Variants in ERG observed in about 807,000 individuals in gnomAD.
ERG encodes transcriptional regulator ERG.
ERG carries 9 observed loss-of-function variants against 55.3 expected under a neutral mutation model. The observed-to-expected ratio is 0.16, with a 90% CI of 0.10 to 0.28. The LOEUF is 0.28. Ranked by LOEUF, ERG falls within the 10% of genes least tolerant of loss-of-function variation. ERG has a pLI of 1.00. For synonymous variants in ERG, 223 were observed against 237.3 expected (o/e 0.94, Z 0.55); for missense variants, 434 against 631.6 (o/e 0.69, Z 3.35).
chr21:38,560,907 G>A lies in ERG; in HGVS notation c.-41+14755C>T, dbSNP rs188299424. Among the ~76,000 whole-genome samples, 248 of 152,322 alleles carry A rather than the reference G, an allele frequency of 1.6e-3. 2 individuals carry two copies. Among genetic ancestry groups the A allele is most frequent in the African/African-American group, 5.6e-3 (233 of 41,556 alleles). ...ATGCTACTTTCAGATTTTCAGGTAA[G>A]TCTAAATGCTTTTAATTGATGCAAG... On this transcript the variant is annotated intron_variant, in intron 2 of 8. Coordinates refer to the ERG transcript ENST00000398897.
At chr21:38,517,948 C>T (rs1334906135) in intron 2 of ERG, among the ~76,000 whole-genome samples, 1 of 152,016 alleles carries the variant, frequency 6.6e-6, no homozygotes, top group Admixed American at 6.6e-5. Context: ...TTACCAGAGG[C>T]TGAGCAGAGA....
intron 1 of ERG, chr21:38,450,788 TTTC>T: frequency 2.4e-6 from 1 of 409,876 alleles, no homozygotes; most frequent in South Asian, 1.8e-5. Flanking sequence ...TCAGGCAGCA[TTTC>T]TTCTTCTCTG....
At chr21:38,387,432 G>A (rs888309161) in intron 9 of ERG, among the ~76,000 whole-genome samples, 1 of 152,206 alleles carries the variant, frequency 6.6e-6, no homozygotes, top group Non-Finnish European at 1.5e-5. Context: ...GTGGTAGGGA[G>A]CACCAACTTT....
chr21:38,657,292 T>C (rs1255770318), intron 1 of ERG, among the ~76,000 whole-genome samples: 2 of 152,332 alleles, frequency 1.3e-5, no homozygotes, highest in Middle Eastern at 6.8e-3. Context: ...CTTACTTTCA[T>C]TGTAAAATTA....
chr21:38,576,021 C>T (rs2059992656), intron 1 of ERG, among the ~76,000 whole-genome samples: 1 of 152,224 alleles, frequency 6.6e-6, no homozygotes, highest in Admixed American at 6.5e-5. Flanking sequence ...ACATCACATG[C>T]AGCATCCACA....
At chr21:38,613,285 G>A (rs981663726) in intron 1 of ERG, among the ~76,000 whole-genome samples, 4 of 152,184 alleles carry the variant, frequency 2.6e-5, no homozygotes, top group African/African-American at 9.7e-5. Context: ...TTTTCTGAAC[G>A]AAAGTTAGCA....
chr21:38,419,853 C>T (rs906163036), intron 3 of ERG, among the ~76,000 whole-genome samples: 1 of 152,082 alleles, frequency 6.6e-6, no homozygotes, highest in Non-Finnish European at 1.5e-5. Flanking sequence ...AAGTGGGTTC[C>T]AGGTACCAGA....
chr21:38,501,260 G>A (rs1012495803), upstream of ERG, among the ~76,000 whole-genome samples: 1 of 151,366 alleles, frequency 6.6e-6, no homozygotes. Flanking sequence ...GTAGAGACGG[G>A]GTTTCACCAT....
Position 38,409,488 on chromosome 21 carries a change from T to TAAA in ERG, c.389-5782_389-5780dup, listed in dbSNP as rs71330329. On this transcript the variant is annotated intron_variant, in intron 3 of 9. Transcript: ENST00000288319. ...GCAACAAGAGCGAAACTCCGTCTCATAAAAAAAAAAAAAAAAAAAAAAAGA... is the reference window on the plus strand; with the variant it reads ...GCAACAAGAGCGAAACTCCGTCTCATAAAAAAAAAAAAAAAAAAAAAAAAAAGA... Among the ~76,000 whole-genome samples, 84 of 79,120 alleles carry TAAA rather than the reference T, an allele frequency of 1.1e-3. 3 individuals are homozygous for TAAA. The highest frequency in any genetic ancestry group is 2.0e-3 in the African/African-American group (38 of 19,318). 51.9% of individuals were successfully genotyped at this position (79,120 alleles called of 152,430 possible). A position where few individuals can be genotyped will look rare whatever the true frequency, so the allele number is the denominator to read the frequency against.
At chr21:38,565,874 T>C (rs2059919808) in intron 2 of ERG, among the ~76,000 whole-genome samples, 1 of 152,192 alleles carries the variant, frequency 6.6e-6, no homozygotes, top group African/African-American at 2.4e-5. Context: ...GTTCATGCTG[T>C]AGCCCAGCAA....
intron 1 of ERG, among the ~76,000 whole-genome samples, chr21:38,600,803 C>A (rs9636639): frequency 0.49 from 74,151 of 151,930 alleles, 18,339 homozygotes; most frequent in African/African-American, 0.56. Flanking sequence ...TGGACAACCA[C>A]TAAACACACA....
intron 1 of ERG, among the ~76,000 whole-genome samples, chr21:38,651,367 T>G (rs2060487802): frequency 6.6e-6 from 1 of 152,210 alleles, no homozygotes; most frequent in Non-Finnish European, 1.5e-5. Flanking sequence ...ATTCCTAAGC[T>G]AAACATTCTA....
Position 38,604,334 on chromosome 21 carries a change from T to C in ERG, c.-149-19389A>G, listed in dbSNP as rs566063535. Among the ~76,000 whole-genome samples, 7 of 152,186 alleles carry C rather than the reference T, an allele frequency of 4.6e-5. No individual in the cohort carries two copies. The East Asian group carries it at 1.3e-3, about 29-fold the overall frequency. ...AATGTCTACAAAATTATGAGAATTTTATTATATACATGAAAACATCTATTA... is the reference window on the plus strand; with the variant it reads ...AATGTCTACAAAATTATGAGAATTTCATTATATACATGAAAACATCTATTA... On this transcript the variant is annotated intron_variant, in intron 1 of 10. Coordinates refer to the ERG transcript ENST00000398910.
chr21:38,429,410 C>T lies in ERG; in HGVS notation c.237-5849G>A, dbSNP rs533528546. 7.9e-5 allele frequency among the ~76,000 whole-genome samples: 9 copies of T among 113,724 alleles called. 2 individuals are homozygous for T. Among genetic ancestry groups the T allele is most frequent in the African/African-American group, 1.3e-4 (4 of 31,718 alleles). 74.6% of individuals were successfully genotyped at this position (113,724 alleles called of 152,430 possible). ...ATGTACACATATACACATGTACATA[C>T]GCACATATAAACATGTGTGTATACA... is the stretch of plus-strand genomic sequence containing the variant. On this transcript the variant is annotated intron_variant, in intron 2 of 9. Transcript: ENST00000288319.
chr21:38,556,122 A>G (rs1398176523), intron 2 of ERG, among the ~76,000 whole-genome samples: 1 of 152,146 alleles, frequency 6.6e-6, no homozygotes, highest in Non-Finnish European at 1.5e-5. Flanking sequence ...GTTTCTAGGG[A>G]CATGGAAAAA....
chr21:38,495,308 G>A (rs1490369446), intron 1 of ERG, among the ~76,000 whole-genome samples: 1 of 152,202 alleles, frequency 6.6e-6, no homozygotes, highest in East Asian at 1.9e-4. Context: ...CTATCAGGTC[G>A]TGTTTCAATT....
chr21:38,638,499 C>G (rs532018705), intron 1 of ERG, among the ~76,000 whole-genome samples: 1 of 152,132 alleles, frequency 6.6e-6, no homozygotes, highest in African/African-American at 2.4e-5. Flanking sequence ...GGGCTTACCT[C>G]TAGAATAATA....
chr21:38,577,110 T>C (rs2059999278), intron 1 of ERG, among the ~76,000 whole-genome samples: 1 of 152,214 alleles, frequency 6.6e-6, no homozygotes, highest in African/African-American at 2.4e-5. Context: ...ATAAACAATA[T>C]GATTACAGAA....
At chr21:38,400,754 C>T (rs1006769121) in intron 5 of ERG, 109 bp from the exon 6 acceptor site, 3 of 759,666 alleles carry the variant, frequency 3.9e-6, no homozygotes, top group South Asian at 1.8e-5. Context: ...GAAGAGACCT[C>T]CTCAAACCTG....
Sources: allele counts gnomAD v4.1 joint callset (sites outside exome capture counted in the v4.1 genomes callset), GRCh38; gene constraint gnomAD v4.1.1; transcripts MANE v1.5; gene names NCBI Gene and HGNC (gene_info 2026-07-23, HGNC 2026-07-21).